Variants in GPD2 observed in about 807,000 individuals in gnomAD.
GPD2 encodes glycerol-3-phosphate dehydrogenase 2.
In GPD2, 54 loss-of-function variants were observed where a neutral mutation model predicts 82.4. The ratio of observed to expected loss-of-function variants is 0.66; its 90% CI spans 0.53 to 0.82. The LOEUF (loss-of-function observed/expected upper bound fraction) is 0.82, where lower values mean the gene tolerates loss of function less well. Ranked by LOEUF, GPD2 falls within the 40% of genes least tolerant of loss-of-function variation. GPD2 has a pLI of 0.00. For missense variants in GPD2, 748 were observed against 896.2 expected (o/e 0.83, Z 2.11); for synonymous variants, 288 against 306.1 (o/e 0.94, Z 0.62).
chr2:156,451,472 A>AC (rs1268445683), intron 1 of GPD2, among the ~76,000 whole-genome samples: 5 of 27,188 alleles, frequency 1.8e-4, no homozygotes, highest in Admixed American at 1.7e-3. Context: ...CGGGGGGCTG[A>AC]CCCCCCCACC....
intron 13 of GPD2, among the ~76,000 whole-genome samples, chr2:156,576,466 TA>T (rs34280846): frequency 0.6 from 88,873 of 149,298 alleles, 26,437 homozygotes; most frequent in East Asian, 0.75. Flanking sequence ...TAAGCTGTGA[TA>T]AAAAAAAAAA....
rs535015219 is a variant in GPD2 at position 156,485,028 on chromosome 2, G to A, written c.102+8821G>A. Among the ~76,000 whole-genome samples, 5 of 152,286 alleles carry A rather than the reference G, an allele frequency of 3.3e-5. No homozygotes were observed. The South Asian group carries it at 1.0e-3, about 32-fold the overall frequency. ...GATCATACAGTATTTGTCTTTCAGT[G>A]TCTGGCTTATTTCACTTAGCATAAT... On this transcript the variant is annotated intron_variant, in intron 2 of 16. Coordinates refer to ENST00000438166, the MANE Select transcript of GPD2 (RefSeq NM_000408.5).
chr2:156,528,246 A>G (rs974075579), intron 6 of GPD2, among the ~76,000 whole-genome samples: 1 of 152,100 alleles, frequency 6.6e-6, no homozygotes, highest in Admixed American at 6.5e-5. Context: ...TGTCTATTAT[A>G]TAAAGCCAGA....
chr2:156,468,959 C>T (rs999533198), intron 1 of GPD2, among the ~76,000 whole-genome samples: 1 of 152,154 alleles, frequency 6.6e-6, no homozygotes, highest in Non-Finnish European at 1.5e-5. Flanking sequence ...TAACCATCCC[C>T]ACCCCAACCT....
chr2:156,440,545 C>T (rs1682131811), intron 1 of GPD2, among the ~76,000 whole-genome samples: 1 of 152,144 alleles, frequency 6.6e-6, no homozygotes, highest in South Asian at 2.1e-4. Flanking sequence ...GATTTGATCT[C>T]TCGTTAGAGA....
Position 156,498,705 on chromosome 2 carries a change from A to G in GPD2, c.274+2490A>G, listed in dbSNP as rs142599712. The stretch of plus-strand genomic sequence containing the variant: ...GGAATGGATACACGATACTGAAGGA[A>G]CAGTCATAAGCATAGGCTTTCAAGA... On this transcript the variant is annotated intron_variant, in intron 3 of 16. Coordinates refer to ENST00000438166, the MANE Select transcript of GPD2 (RefSeq NM_000408.5). Among the ~76,000 whole-genome samples the G allele has an allele frequency of 2.3e-3, 357 of 152,294 alleles. 2 individuals are homozygous for G. Among genetic ancestry groups the G allele is most frequent in the African/African-American group, 8.1e-3 (335 of 41,568 alleles).
At chr2:156,525,747 A>G (rs1308710381) in intron 6 of GPD2, among the ~76,000 whole-genome samples, 2 of 152,206 alleles carry the variant, frequency 1.3e-5, no homozygotes, top group Non-Finnish European at 2.9e-5. Context: ...TCACCACTTA[A>G]TACAACAGAT....
At chr2:156,541,846 T>TTTTTTG (rs1686334698) in intron 6 of GPD2, among the ~76,000 whole-genome samples, 1 of 148,214 alleles carries the variant, frequency 6.7e-6, no homozygotes, top group African/African-American at 2.5e-5. Context: ...TTTTTTTTTT[T>TTTTTTG]GGCTGTGGTC....
the GPD2 span, among the ~76,000 whole-genome samples, chr2:156,406,018 A>G: frequency 1.4e-3 from 219 of 152,138 alleles, no homozygotes; most frequent in Non-Finnish European, 2.6e-3. Flanking sequence ...AATAGTTCAT[A>G]TAATACAAAG....
At chr2:156,428,231 C>T in the GPD2 span, among the ~76,000 whole-genome samples, 1 of 152,168 alleles carries the variant, frequency 6.6e-6, no homozygotes, top group Non-Finnish European at 1.5e-5. Context: ...GCAGACTTTG[C>T]TTTCTACCTA....
Position 156,496,478 on chromosome 2 carries a change from G to A in GPD2, c.274+263G>A, listed in dbSNP as rs186400638. 5.9e-4 allele frequency among the ~76,000 whole-genome samples: 90 copies of A among 152,118 alleles called. No homozygotes were observed. In the East Asian group the frequency reaches 0.017, roughly 29 times the overall value. On this transcript the variant is annotated intron_variant, in intron 3 of 16. Transcript: ENST00000438166. ...CAGCTCAGAGGTAAGTCTTGATGTG[G>A]ATAACACTTCATCCTTTCTCCCAGT...
chr2:156,531,574 C>T (rs1265780681), intron 6 of GPD2, among the ~76,000 whole-genome samples: 1 of 152,246 alleles, frequency 6.6e-6, no homozygotes, highest in African/African-American at 2.4e-5. Context: ...AAGAGCCAGG[C>T]TGAGGCCACA....
chr2:156,459,289 G>C (rs1682898108), intron 1 of GPD2, among the ~76,000 whole-genome samples: 1 of 152,102 alleles, frequency 6.6e-6, no homozygotes, highest in South Asian at 2.1e-4. Context: ...GCAGTCATTT[G>C]GCATGGTGAG....
intron 6 of GPD2, among the ~76,000 whole-genome samples, chr2:156,537,863 GAA>G (rs1686140540): frequency 6.6e-6 from 1 of 152,158 alleles, no homozygotes; most frequent in Admixed American, 6.5e-5. Context: ...TAGAATATTA[GAA>G]AAGTCTTTTT....
intron 16 of GPD2, 48 bp from the exon 17 acceptor site, chr2:156,582,745 G>A (rs1377751423): frequency 1.2e-6 from 2 of 1,602,980 alleles, no homozygotes; most frequent in South Asian, 2.2e-5. Flanking sequence ...ATGAAGAAGA[G>A]AGTAAGTTGG....
In GPD2 at chr2:156,583,401, A is replaced by G. The variant is rs114946413; in HGVS notation, c.*483A>G. 6.6e-3 allele frequency: 1,170 copies of G among 177,166 alleles called. 12 individuals are homozygous for G. Among genetic ancestry groups the G allele is most frequent in the Middle Eastern group, 0.024 (8 of 338 alleles). 11.0% of individuals were successfully genotyped at this position (177,166 alleles called of 1,614,324 possible). On this transcript the variant is annotated 3_prime_UTR_variant, in exon 17 of 17. Transcript: ENST00000438166. ...CATGTGTTATTAAAAAGAGTTACCTATTGAAATGATAGTGTTTCTGGAGAT... is the reference window on the plus strand; with the variant it reads ...CATGTGTTATTAAAAAGAGTTACCTGTTGAAATGATAGTGTTTCTGGAGAT...
the GPD2 span, among the ~76,000 whole-genome samples, chr2:156,416,514 GT>G: frequency 0.65 from 76,734 of 117,370 alleles, 23,785 homozygotes; most frequent in South Asian, 0.75. Flanking sequence ...TGCCCAGCTA[GT>G]TTTTTTTTTT....
At chr2:156,415,032 G>A in the GPD2 span, among the ~76,000 whole-genome samples, 1 of 151,996 alleles carries the variant, frequency 6.6e-6, no homozygotes, top group Admixed American at 6.6e-5. Context: ...TTCTTTAGTG[G>A]TGATTTCTGA....
chr2:156,563,512 T>C (rs1207447743), intron 9 of GPD2, among the ~76,000 whole-genome samples: 1 of 152,182 alleles, frequency 6.6e-6, no homozygotes, highest in Non-Finnish European at 1.5e-5. Flanking sequence ...AAAACTGGTT[T>C]CTGGGTGAGA....
Sources: gnomAD v4.1 joint callset for allele counts (sites outside exome capture counted in the v4.1 genomes callset) on GRCh38, gnomAD v4.1.1 for gene constraint, MANE v1.5 for transcripts, NCBI Gene and HGNC (gene_info 2026-07-23, HGNC 2026-07-21) for gene names.